Variants in ANKRD36C observed in about 807,000 individuals in gnomAD.
ANKRD36C encodes ankyrin repeat domain-containing protein 36C.
ANKRD36C carries 61 observed loss-of-function variants against 276.4 expected under a neutral mutation model. The ratio of observed to expected loss-of-function variants is 0.22; its 90% CI spans 0.18 to 0.27. The LOEUF is 0.27. Ranked by LOEUF, ANKRD36C falls within the 10% of genes least tolerant of loss-of-function variation. ANKRD36C has a pLI of 1.00. For missense variants in ANKRD36C, 1,447 were observed against 2,032.3 expected (o/e 0.71, Z 5.54); for synonymous variants, 483 against 680.1 (o/e 0.71, Z 4.51).
chr2:95,886,078 C>T, exon 52 of ANKRD36C: 2 of 1,611,354 alleles, frequency 1.2e-6, no homozygotes, highest in Non-Finnish European at 1.7e-6. Context: ...TCCTTTATCT[C>T]TGTGGCTATA....
At chr2:95,984,104 TC>T (rs1427584418) in intron 3 of ANKRD36C, among the ~76,000 whole-genome samples, 1 of 151,990 alleles carries the variant, frequency 6.6e-6, no homozygotes, top group Non-Finnish European at 1.5e-5. Flanking sequence ...ATTCAAAAGT[TC>T]AACCCGATTA....
intron 46 of ANKRD36C, 100 bp from the exon 67 acceptor site, chr2:95,890,094 T>C: frequency 6.9e-7 from 1 of 1,453,530 alleles, no homozygotes; most frequent in Non-Finnish European, 9.5e-7. Flanking sequence ...CTCCTGCCTG[T>C]ATTAGTGTAG....
At chr2:95,944,840 C>T in intron 18 of ANKRD36C, 146 bp from the exon 19 acceptor site, 2 of 922,082 alleles carry the variant, frequency 2.2e-6, no homozygotes, top group African/African-American at 1.7e-5. Flanking sequence ...GTGTTCAAGA[C>T]CAGCCTGGCC....
chr2:95,851,346 T>C (rs557866287), intron 66 of ANKRD36C, among the ~76,000 whole-genome samples, 151 bp from the exon 87 acceptor site: 2 of 152,320 alleles, frequency 1.3e-5, no homozygotes, highest in African/African-American at 4.8e-5. Flanking sequence ...ATCTGAAACT[T>C]TTTGAGCACG....
chr2:95,855,893 G>C, exon 63 of ANKRD36C: 2 of 1,613,712 alleles, frequency 1.2e-6, no homozygotes, highest in Non-Finnish European at 1.7e-6. Context: ...GTCTTTGCCC[G>C]CTCTCTCTTT....
chr2:95,870,422 T>C lies in ANKRD36C; in HGVS notation c.3541-2841A>G, dbSNP rs1675780111. Among the ~76,000 whole-genome samples the C allele has an allele frequency of 2.0e-5, 3 of 152,304 alleles. No homozygotes were observed. In the South Asian group the frequency reaches 6.2e-4, roughly 32 times the overall value. On this transcript the variant is annotated intron_variant, in intron 59 of 66. Transcript: ENST00000456556. Reference sequence around the variant, plus strand: ...GCAGACAGGGTCTGGAGTGGACCTCTAGCAAACTCCAACAGACCTGCAGCT... The same window carrying C: ...GCAGACAGGGTCTGGAGTGGACCTCCAGCAAACTCCAACAGACCTGCAGCT...
At chr2:95,860,485 A>C (rs1675547495) in intron 60 of ANKRD36C, among the ~76,000 whole-genome samples, 2 of 152,228 alleles carry the variant, frequency 1.3e-5, no homozygotes, top group Non-Finnish European at 2.9e-5. Flanking sequence ...AGTTTGCAGC[A>C]TGTGCTGTGC....
rs527820949 is a variant in ANKRD36C, at chr2:95,991,623, T to C, written c.86A>G (p.Lys29Arg). Residue 29 changes from lysine (K) to arginine (R), a missense_variant, in exon 1 of 67, where the codon AAA (lysine) becomes AGA (arginine). Lys to Arg is a conservative substitution (Grantham distance 26). Transcript: ENST00000456556. ...GTGGATCCCCTTCAGATGATACGGT[T>C]TAATGGGGTATTGGGGAAATAAGAA... is the stretch of plus-strand genomic sequence containing the variant. 8 of 1,613,986 alleles carry C rather than the reference T, an allele frequency of 5.0e-6. No individual in the cohort carries two copies. In the African/African-American group the frequency reaches 1.1e-4, roughly 22 times the overall value.
At chr2:95,880,288 A>C in intron 58 of ANKRD36C, 139 bp downstream of exon 78, 1 of 1,073,736 alleles carries the variant, frequency 9.3e-7, no homozygotes, top group Middle Eastern at 3.1e-4. Context: ...AAATATAAAA[A>C]TGATAACAGC....
intron 8 of ANKRD36C, among the ~76,000 whole-genome samples, chr2:95,961,987 T>C (rs1678471090): frequency 1.3e-5 from 2 of 152,040 alleles, no homozygotes; most frequent in South Asian, 4.1e-4. Flanking sequence ...TTCTTCCATG[T>C]GGTTTTAACA....
Position 95,982,688 on chromosome 2 carries a change from G to A in ANKRD36C, c.487-326C>T, listed in dbSNP as rs1461438301. 4.2e-5 allele frequency among the ~76,000 whole-genome samples: 4 copies of A among 95,886 alleles called. No individual in the cohort carries two copies. The Admixed American group carries it at 5.2e-4, about 12-fold the overall frequency. 62.9% of individuals were successfully genotyped at this position (95,886 alleles called of 152,430 possible). ...TTCCCACCTGAACCAAGAGCTTCTT[G>A]AGGGCAGCAGCTGTATTTTTTTCTC... On this transcript the variant is annotated intron_variant, in intron 3 of 66. Transcript: ENST00000456556.
intron 46 of ANKRD36C, 140 bp from the exon 67 acceptor site, chr2:95,890,134 A>G (rs542348928): frequency 8.5e-7 from 1 of 1,171,162 alleles, no homozygotes. Context: ...TGTGTCGGGG[A>G]CAAGAACATG....
intron 58 of ANKRD36C, 21 bp downstream of exon 78, chr2:95,880,406 A>C (rs1166152889): frequency 3.2e-6 from 5 of 1,540,060 alleles, no homozygotes; most frequent in Non-Finnish European, 4.4e-6. Flanking sequence ...TCCAGAGTTA[A>C]ATCTACAATG....
downstream of ANKRD36C, among the ~76,000 whole-genome samples, chr2:95,850,686 G>A (rs1675274004): frequency 6.6e-6 from 1 of 152,224 alleles, no homozygotes. Context: ...TTTCCCACGG[G>A]CAAAAGTAAA....
intron 44 of ANKRD36C, among the ~76,000 whole-genome samples, chr2:95,893,084 C>G (rs1676422764): frequency 6.6e-6 from 1 of 151,278 alleles, no homozygotes; most frequent in Non-Finnish European, 1.5e-5. Flanking sequence ...CACAATCCGT[C>G]ATCCTTGGGA....
chr2:95,978,078 C>G (rs1678849684), intron 6 of ANKRD36C, 44 bp downstream of exon 6: 1 of 643,248 alleles, frequency 1.6e-6, no homozygotes, highest in East Asian at 3.4e-5. Context: ...TCTTTTTTAT[C>G]TATGGTAGTA....
chr2:95,990,744 TG>T (rs1679121852), intron 1 of ANKRD36C, among the ~76,000 whole-genome samples: 1 of 152,070 alleles, frequency 6.6e-6, no homozygotes, highest in Admixed American at 6.5e-5. Context: ...AAAACCAAAT[TG>T]ACATAGGTGT....
rs949389292 is a variant in ANKRD36C, at chr2:95,852,350, C to T, written c.5149-154G>A. On this transcript the variant is annotated intron_variant, in intron 64 of 66. Coordinates refer to ENST00000456556, the Ensembl canonical transcript of ANKRD36C. ...TAATCTAGGAGAAGTCATCCCATTA[C>T]CTGTTTTTTGTAATTAATTTTAGTG... 22 of 657,770 alleles carry T rather than the reference C, an allele frequency of 3.3e-5. No homozygotes were observed. The African/African-American group carries it at 3.9e-4, about 12-fold the overall frequency. 40.7% of individuals were successfully genotyped at this position (657,770 alleles called of 1,614,324 possible).
At chr2:95,928,808 C>T (rs927501530) in intron 26 of ANKRD36C, among the ~76,000 whole-genome samples, 10 of 151,426 alleles carry the variant, frequency 6.6e-5, no homozygotes, top group African/African-American at 2.4e-4. Flanking sequence ...TTATGCTGCT[C>T]CCTGAGCCTG....
Sources: gnomAD v4.1 joint callset for allele counts (sites outside exome capture counted in the v4.1 genomes callset) on GRCh38, gnomAD v4.1.1 for gene constraint, MANE v1.5 for transcripts, NCBI Gene and HGNC (gene_info 2026-07-23, HGNC 2026-07-21) for gene names.